Variants in ABCA6 observed in about 807,000 individuals in gnomAD.
The protein encoded by ABCA6 is ATP-binding cassette sub-family A member 6.
A neutral mutation model predicts 191.2 loss-of-function variants in ABCA6; 164 were observed. The observed-to-expected ratio is 0.86, with a 90% CI of 0.76 to 0.98. The LOEUF is 0.98. ABCA6 is among the 50% of genes least tolerant of loss of function. The pLI is 0.00. For synonymous variants in ABCA6, 636 were observed against 647.7 expected, an observed-to-expected ratio of 0.98 and a Z score of 0.27; for missense variants, 1,958 against 1,894.1, an observed-to-expected ratio of 1.03 and a Z score of -0.63.
intron 27 of ABCA6, 138 bp downstream of exon 27, chr17:69,089,327 A>T (rs2072875092): frequency 1.4e-6 from 1 of 726,910 alleles, no homozygotes; most frequent in Non-Finnish European, 2.3e-6. Flanking sequence ...AGGTTTAGAA[A>T]CATGTCTGAA....
intron 27 of ABCA6, among the ~76,000 whole-genome samples, chr17:69,089,138 T>A (rs112489537): frequency 0.015 from 2,315 of 152,308 alleles, 44 homozygotes; most frequent in African/African-American, 0.052. Context: ...CTTTTATTAT[T>A]CAGTTCTTGC....
chr17:69,128,132 G>A (rs918089008), intron 8 of ABCA6, among the ~76,000 whole-genome samples: 1 of 152,062 alleles, frequency 6.6e-6, no homozygotes, highest in Non-Finnish European at 1.5e-5. Flanking sequence ...CCTTTACGAA[G>A]GAGGAGTGTT....
chr17:69,133,956 G>T, intron 5 of ABCA6, 89 bp from the exon 6 acceptor site: 1 of 935,470 alleles, frequency 1.1e-6, no homozygotes, highest in Non-Finnish European at 1.6e-6. Flanking sequence ...TACTTATGTC[G>T]GTTCTCCAAT....
At chr17:69,132,436 T>C (rs2073879815) in intron 6 of ABCA6, among the ~76,000 whole-genome samples, 1 of 151,960 alleles carries the variant, frequency 6.6e-6, no homozygotes, top group African/African-American at 2.4e-5. Flanking sequence ...TACTTACTGA[T>C]TATTTGCTAG....
intron 20 of ABCA6, among the ~76,000 whole-genome samples, chr17:69,103,312 G>C (rs1470375190): frequency 6.6e-6 from 1 of 152,134 alleles, no homozygotes; most frequent in African/African-American, 2.4e-5. Context: ...GAGTACTTCA[G>C]ATTGTCCAGC....
chr17:69,124,529 C>A (rs1269270327), intron 9 of ABCA6, among the ~76,000 whole-genome samples: 2 of 151,862 alleles, frequency 1.3e-5, no homozygotes, highest in Admixed American at 1.3e-4. Context: ...GAGAGCCAAA[C>A]CACCATAAGA....
intron 36 of ABCA6, among the ~76,000 whole-genome samples, 156 bp downstream of exon 36, chr17:69,082,717 C>T (rs2072672188): frequency 6.6e-6 from 1 of 152,104 alleles, no homozygotes; most frequent in Non-Finnish European, 1.5e-5. Context: ...GGGTAGGTCT[C>T]AATCTCTTAT....
intron 28 of ABCA6, 147 bp downstream of exon 28, chr17:69,088,020 C>A: frequency 1.5e-6 from 1 of 689,564 alleles, no homozygotes. Context: ...TATCTCTTGG[C>A]AGTAAGGCAG....
rs1301492434 is a variant in ABCA6, at chr17:69,136,186, T to C, written c.366A>G (p.Pro122=). The change falls in exon 4 of 39, where the codon CCA becomes CCG. Residue 122 remains proline, a synonymous_variant. Coordinates refer to ENST00000284425, the MANE Select transcript of ABCA6 (RefSeq NM_080284.3). The part of the protein sequence containing the change: ...HMDEILLENL[P]YAMGIIFNET... ...CATTAAAGATGATTCCCATAGCATA[T>C]GGTAAATTTTCCAGAAGTATTTCGT... The C allele has an allele frequency of 3.1e-6, 5 of 1,601,338 alleles. No homozygotes were observed. In the Admixed American group the frequency reaches 5.1e-5, roughly 16 times the overall value.
At chr17:69,097,451 C>T (rs922527260) in intron 23 of ABCA6, among the ~76,000 whole-genome samples, 1 of 151,532 alleles carries the variant, frequency 6.6e-6, no homozygotes, top group African/African-American at 2.4e-5. Flanking sequence ...TTTACCTTTA[C>T]CTAAACATCT....
In ABCA6 at chr17:69,137,519, G is replaced by A; in HGVS notation, c.97-19C>T. ...CCCATTCCTGTAATGCATATAAAAA[G>A]AAAAATAATGAATTAAGGTTGCATT... On this transcript the variant is annotated intron_variant, in intron 2 of 38. Coordinates refer to ENST00000284425, the MANE Select transcript of ABCA6 (RefSeq NM_080284.3). 1 of 1,591,548 alleles carries A rather than the reference G, an allele frequency of 6.3e-7. No individual in the cohort carries two copies. The highest frequency in any genetic ancestry group is 1.8e-5 in the Admixed American group (1 of 55,908).
intron 30 of ABCA6, 122 bp downstream of exon 30, chr17:69,086,486 AATATATATAT>A (rs68086602): frequency 3.1e-5 from 5 of 163,338 alleles, no homozygotes; most frequent in East Asian, 4.4e-4. Flanking sequence ...TGGCACACTA[AATATATATAT>A]ATATATATAT....
At chr17:69,133,562 G>A (rs1487660383) in intron 6 of ABCA6, 79 bp downstream of exon 6, 1 of 1,077,030 alleles carries the variant, frequency 9.3e-7, no homozygotes, top group Non-Finnish European at 1.3e-6. Flanking sequence ...AAACCATGAT[G>A]CTCTGAAACA....
intron 22 of ABCA6, chr17:69,098,354 A>G (rs1344670959): frequency 1.7e-5 from 4 of 233,798 alleles, no homozygotes; most frequent in Non-Finnish European, 3.3e-5. Context: ...ATGGATTAAC[A>G]AAATGTGTAT....
rs2073967647 is a variant in ABCA6, at chr17:69,137,467, T to C, written c.130A>G (p.Ile44Val). 3 of 1,613,596 alleles carry C rather than the reference T, an allele frequency of 1.9e-6. No homozygotes were observed. Among genetic ancestry groups the C allele is most frequent in the Non-Finnish European group, 2.5e-6 (3 of 1,179,714 alleles). Residue 44 changes from isoleucine to valine, a missense_variant, in exon 3 of 39, where the codon ATT becomes GTT. Ile to Val is a conservative substitution (Grantham distance 29, BLOSUM62 3). Coordinates refer to ENST00000284425, the MANE Select transcript of ABCA6 (RefSeq NM_080284.3). ...WGLSILLGLC[I>V]ALFSSSMRNV... ...CTCATGGAACTGGAAAACAGAGCAA[T>C]ACACAGTCCTAGAAGTATTGAGAGG... is the stretch of plus-strand genomic sequence containing the variant.
At chr17:69,091,122 A>T in intron 26 of ABCA6, 21 bp downstream of exon 26, 1 of 1,596,682 alleles carries the variant, frequency 6.3e-7, no homozygotes, top group Non-Finnish European at 8.5e-7. Context: ...AATTAATGAC[A>T]CAGTTGGTAA....
chr17:69,084,884 T>C, intron 32 of ABCA6, 144 bp downstream of exon 32: 1 of 947,030 alleles, frequency 1.1e-6, no homozygotes, highest in Non-Finnish European at 1.5e-6. Flanking sequence ...AAGTCAGGTC[T>C]TGTCCCTCAT....
chr17:69,129,006 C>T (rs2073809951), intron 7 of ABCA6, among the ~76,000 whole-genome samples: 1 of 152,034 alleles, frequency 6.6e-6, no homozygotes, highest in South Asian at 2.1e-4. Context: ...TACTCAAATG[C>T]CAGGCTTTTG....
At position 69,137,549 on chromosome 17, in the gene ABCA6, T is replaced by A. The variant is rs747693217; in HGVS notation, c.97-49A>T. The A allele has an allele frequency of 6.5e-6, 10 of 1,542,312 alleles. No homozygotes were observed. The African/African-American group carries it at 1.4e-4, about 21-fold the overall frequency. ...ATAATGAATTAAGGTTGCATTCACT[T>A]AAAGATCTCAGTTAATACAAAATAC... On this transcript the variant is annotated intron_variant, in intron 2 of 38. Transcript: ENST00000284425.
Sources: allele counts gnomAD v4.1 joint callset (sites outside exome capture counted in the v4.1 genomes callset), GRCh38; gene constraint gnomAD v4.1.1; transcripts MANE v1.5; gene names NCBI Gene and HGNC (gene_info 2026-07-23, HGNC 2026-07-21).